The following METTL6 variants were observed in gnomAD, a reference collection of about 807,000 sequenced individuals.
METTL6 encodes the protein tRNA N(3)-cytidine methyltransferase METTL6.
A neutral mutation model predicts 26.4 loss-of-function variants in METTL6; 22 were observed. The ratio of observed to expected loss-of-function variants is 0.83; its 90% confidence interval spans 0.59 to 1.19. The LOEUF (loss-of-function observed/expected upper bound fraction) is 1.19. Ranked by LOEUF, METTL6 falls within the 50% of genes most tolerant of loss-of-function variation. The probability of loss-of-function intolerance (pLI) is 0.00; values close to 1 mark genes in which losing one functional copy is unlikely to be tolerated. For missense variants in METTL6, 304 were observed against 324.8 expected (o/e 0.94, Z 0.49); for synonymous variants, 109 against 116.2 (o/e 0.94, Z 0.40).
intron 2 of METTL6, 130 bp from the exon 3 acceptor site, chr3:15,425,219 G>T: frequency 1.1e-6 from 1 of 942,920 alleles, no homozygotes; most frequent in Non-Finnish European, 1.6e-6. Flanking sequence ...GAACTAATAA[G>T]CAAAAGCTAA....
At chr3:15,397,001 C>G (rs900211900) in intron 6 of METTL6, among the ~76,000 whole-genome samples, 1 of 152,204 alleles carries the variant, frequency 6.6e-6, no homozygotes, top group Non-Finnish European at 1.5e-5. Flanking sequence ...AACCACTACT[C>G]TCTTCAAAGC....
downstream of METTL6, among the ~76,000 whole-genome samples, chr3:15,408,316 T>G (rs1699856413): frequency 6.6e-6 from 1 of 152,160 alleles, no homozygotes. Flanking sequence ...ACTTATGATT[T>G]GTGCACTTTT....
At chr3:15,385,866 C>T (rs1300321726) in intron 6 of METTL6, among the ~76,000 whole-genome samples, 1 of 152,082 alleles carries the variant, frequency 6.6e-6, no homozygotes, top group Non-Finnish European at 1.5e-5. Flanking sequence ...TGTAGGTGAA[C>T]CAATAAAAAA....
chr3:15,383,283 T>C (rs1420780133), exon 7 of METTL6: 2 of 152,158 alleles, frequency 1.3e-5, no homozygotes, highest in African/African-American at 4.8e-5. Flanking sequence ...CTGCATTTGG[T>C]GAGTGATTTT....
intron 3 of METTL6, among the ~76,000 whole-genome samples, chr3:15,423,060 G>A (rs2061641356): frequency 6.6e-6 from 1 of 152,216 alleles, no homozygotes; most frequent in African/African-American, 2.4e-5. Flanking sequence ...GTGGAAAGAG[G>A]TATGGGGTAG....
rs570774165 is a variant in METTL6 at position 15,396,613 on chromosome 3, T to A, written c.*12-12426A>T. On this transcript the variant is annotated intron_variant, in intron 6 of 6. Coordinates refer to the METTL6 transcript ENST00000443029. Reference sequence around the variant, plus strand: ...TTTCTGCTCTGTTTTTTCCCCATCTTTGTGGTTTTATCTACCTTTGGTCTT... The same window carrying A: ...TTTCTGCTCTGTTTTTTCCCCATCTATGTGGTTTTATCTACCTTTGGTCTT... Among the ~76,000 whole-genome samples the A allele has an allele frequency of 5.1e-3, 780 of 152,286 alleles. 7 individuals are homozygous for A. The highest frequency in any genetic ancestry group is 0.017 in the African/African-American group (714 of 41,560).
intron 4 of METTL6, chr3:15,414,837 G>A (rs1224191937): frequency 3.9e-6 from 2 of 509,224 alleles, no homozygotes; most frequent in East Asian, 1.4e-4. Flanking sequence ...TGGGAGAACT[G>A]CTTGAGCCCA....
downstream of METTL6, among the ~76,000 whole-genome samples, chr3:15,409,235 A>AC (rs1222179934): frequency 2.6e-5 from 4 of 151,932 alleles, no homozygotes; most frequent in African/African-American, 9.7e-5. Flanking sequence ...TCACACTGGG[A>AC]CCCCTCCTCC....
Position 15,415,848 on chromosome 3 carries a change from T to C in METTL6, c.455A>G (p.Asp152Gly). 3.1e-6 allele frequency: 5 copies of C among 1,614,164 alleles called. No individual in the cohort carries two copies. The highest frequency in any genetic ancestry group is 4.2e-6 in the Non-Finnish European group (5 of 1,180,020). ...CAGCACAAATATCAACATAACAACA[T>C]CCACAGACTCTGGCGGTACATGATC... The part of the protein sequence containing the change: ...LLDHVPPESV[D>G]VVMLIFVLSA... The change falls in exon 4 of 6, where the codon GAT becomes GGT. Residue 152 changes from aspartate (D) to glycine (G), a missense_variant. Transcript: ENST00000383790.
rs1002137060 is a variant in METTL6, at chr3:15,426,714, G to C, written c.-124-79C>G. On this transcript the variant is annotated intron_variant, in intron 1 of 5. Transcript: ENST00000383790. Reference sequence around the variant, plus strand: ...GGTTCAATTCACCAAATGTTTATGAGATGCAGACTGTACAAAAAAAAATCC... The same window carrying C: ...GGTTCAATTCACCAAATGTTTATGACATGCAGACTGTACAAAAAAAAATCC... The C allele has an allele frequency of 5.1e-6, 3 of 590,494 alleles. No individual in the cohort carries two copies. In the African/African-American group the frequency reaches 5.6e-5, roughly 11 times the overall value. 36.6% of individuals were successfully genotyped at this position (590,494 alleles called of 1,614,324 possible).
intron 3 of METTL6, among the ~76,000 whole-genome samples, chr3:15,418,760 G>A (rs1406509820): frequency 6.6e-6 from 1 of 152,176 alleles, no homozygotes; most frequent in Non-Finnish European, 1.5e-5. Flanking sequence ...GCTGGGCGCA[G>A]TGGCTCACAC....
rs79364310 is a variant in METTL6 at position 15,410,850 on chromosome 3, G to A, written c.*406C>T. ...CACACACCACTGCACTCCAGCCTGC[G>A]TACCACAAGATCCTGTCTCAAAAAA... is the stretch of plus-strand genomic sequence containing the variant. On this transcript the variant is annotated 3_prime_UTR_variant, in exon 6 of 6. Coordinates refer to ENST00000383790, the MANE Select transcript of METTL6 (RefSeq NM_152396.4). Among the ~76,000 whole-genome samples, 3,236 of 152,126 alleles carry A rather than the reference G, an allele frequency of 0.021. 98 individuals are homozygous for A. The highest frequency in any genetic ancestry group is 0.072 in the African/African-American group (2,977 of 41,488).
In METTL6 at chr3:15,417,622, C is replaced by A. The variant is rs184372174; in HGVS notation, c.361-1680G>T. On this transcript the variant is annotated intron_variant, in intron 3 of 5. Coordinates refer to ENST00000383790, the MANE Select transcript of METTL6 (RefSeq NM_152396.4). Reference sequence around the variant, plus strand: ...AGACAAAACAGAGTCCCAAAACAGACCTGTATATACTGTATATATAAACAG... The same window carrying A: ...AGACAAAACAGAGTCCCAAAACAGAACTGTATATACTGTATATATAAACAG... Among the ~76,000 whole-genome samples the A allele has an allele frequency of 6.7e-3, 1,013 of 151,784 alleles. 6 individuals are homozygous for A. The highest frequency in any genetic ancestry group is 0.011 in the Non-Finnish European group (748 of 67,960).
At chr3:15,416,114 T>G (rs1700194891) in intron 3 of METTL6, among the ~76,000 whole-genome samples, 172 bp from the exon 4 acceptor site, 1 of 152,226 alleles carries the variant, frequency 6.6e-6, no homozygotes, top group Non-Finnish European at 1.5e-5. Context: ...TAATATTCAC[T>G]ACTGCTACAG....
At chr3:15,386,744 A>G (rs1331840094) in intron 6 of METTL6, among the ~76,000 whole-genome samples, 2 of 151,048 alleles carry the variant, frequency 1.3e-5, no homozygotes, top group African/African-American at 2.4e-5. Flanking sequence ...CACTTGCCCA[A>G]CTCCAAAGAT....
intron 6 of METTL6, among the ~76,000 whole-genome samples, chr3:15,393,472 A>G (rs1489219341): frequency 3.3e-5 from 5 of 152,118 alleles, no homozygotes; most frequent in African/African-American, 1.2e-4. Flanking sequence ...TCTTTTCATG[A>G]TTGAATACCC....
In METTL6 at chr3:15,415,358, T is replaced by C. The variant is rs185909428; in HGVS notation, c.531+414A>G. 3.6e-5 allele frequency: 27 copies of C among 741,624 alleles called. No homozygotes were observed. In the East Asian group the frequency reaches 5.7e-4, roughly 16 times the overall value. The allele number at this position is 741,624 out of a possible 1,614,324, so 45.9% of individuals were successfully genotyped here. A position where few individuals can be genotyped will look rare whatever the true frequency, so the allele number is the denominator to read the frequency against. ...GCTTTTTTTAGACAAGGTCTTGCTA[T>C]GTTGGCCAGGCTGGTTTCAAACTCC... On this transcript the variant is annotated intron_variant, in intron 4 of 5. Transcript: ENST00000383790.
At chr3:15,407,955 C>A (rs1699845355), downstream of METTL6, among the ~76,000 whole-genome samples, 1 of 152,122 alleles carries the variant, frequency 6.6e-6, no homozygotes, top group Non-Finnish European at 1.5e-5. Flanking sequence ...TTTACACTGA[C>A]AACTAGGAAG....
intron 5 of METTL6, among the ~76,000 whole-genome samples, chr3:15,412,595 T>C (rs1171231126): frequency 6.6e-6 from 1 of 151,962 alleles, no homozygotes; most frequent in Non-Finnish European, 1.5e-5. Flanking sequence ...AATGATCCTC[T>C]TGCCTCAGCC....
Sources: allele counts gnomAD v4.1 joint callset (sites outside exome capture counted in the v4.1 genomes callset), GRCh38; gene constraint gnomAD v4.1.1; transcripts MANE v1.5; gene names NCBI Gene and HGNC (gene_info 2026-07-23, HGNC 2026-07-21).